Variants in NUBPL observed in about 807,000 individuals in gnomAD.
NUBPL encodes NUBP iron-sulfur cluster assembly factor, mitochondrial.
In NUBPL, 31 loss-of-function variants were observed where a neutral mutation model predicts 45.7. The observed-to-expected ratio is 0.68, with a 90% CI of 0.51 to 0.92. The LOEUF is 0.92. Among genes scored for constraint, NUBPL ranks in the 40% least tolerant of loss-of-function variants. The pLI is 0.00. For missense variants in NUBPL, 401 were observed against 398.7 expected (o/e 1.01, Z -0.05); for synonymous variants, 144 against 140.9 (o/e 1.02, Z -0.15).
chr14:31,814,176 C>T (rs2039870455), intron 7 of NUBPL, among the ~76,000 whole-genome samples: 2 of 152,280 alleles, frequency 1.3e-5, no homozygotes, highest in African/African-American at 4.8e-5. Context: ...CCTATTTCTC[C>T]ACAACCTCTC....
At chr14:31,841,632 G>T (rs1220037637) in intron 8 of NUBPL, among the ~76,000 whole-genome samples, 2 of 152,012 alleles carry the variant, frequency 1.3e-5, no homozygotes, top group Non-Finnish European at 2.9e-5. Flanking sequence ...TTTTAATGTA[G>T]TCCAATTTAA....
chr14:31,699,011 T>C (rs1008712327), intron 6 of NUBPL, among the ~76,000 whole-genome samples: 5 of 152,140 alleles, frequency 3.3e-5, no homozygotes, highest in African/African-American at 1.2e-4. Context: ...TGCACCACCA[T>C]GCCTGGCTAA....
chr14:31,813,204 G>A (rs2039846889), intron 7 of NUBPL, among the ~76,000 whole-genome samples: 1 of 151,918 alleles, frequency 6.6e-6, no homozygotes, highest in Admixed American at 6.6e-5. Flanking sequence ...AGCCAGGATG[G>A]TCTCAATCTC....
At chr14:31,698,581 G>T (rs2037264892) in intron 6 of NUBPL, among the ~76,000 whole-genome samples, 1 of 151,672 alleles carries the variant, frequency 6.6e-6, no homozygotes, top group Non-Finnish European at 1.5e-5. Flanking sequence ...CTACCCTCTG[G>T]CTTTATTCAT....
intron 4 of NUBPL, among the ~76,000 whole-genome samples, chr14:31,664,652 G>A (rs1232589725): frequency 6.6e-6 from 1 of 152,136 alleles, no homozygotes; most frequent in Non-Finnish European, 1.5e-5. Context: ...TTTTATTGAG[G>A]ATTTTCACAT....
intron 7 of NUBPL, chr14:31,800,885 G>C (rs1414842101): frequency 2.6e-5 from 4 of 152,176 alleles, no homozygotes; most frequent in Non-Finnish European, 5.9e-5. Flanking sequence ...ATTAGTCAGA[G>C]TCCTAGCAGG....
intron 8 of NUBPL, among the ~76,000 whole-genome samples, chr14:31,834,523 A>G (rs1275507001): frequency 6.6e-6 from 1 of 152,112 alleles, no homozygotes; most frequent in Non-Finnish European, 1.5e-5. Flanking sequence ...TAAGGATTAT[A>G]TTGTTTACTT....
intron 6 of NUBPL, among the ~76,000 whole-genome samples, chr14:31,744,948 C>G (rs1235785922): frequency 6.6e-6 from 1 of 151,934 alleles, no homozygotes; most frequent in African/African-American, 2.4e-5. Flanking sequence ...TAAAAAAAAT[C>G]TTCAGACACA....
rs147732105 is a variant in NUBPL at position 31,704,871 on chromosome 14, C to T, written c.513+31297C>T. Reference sequence around the variant, plus strand: ...CTCGCTGACTTCAAGAATGAAGCCGCGGACCCTTGTGCTGAGTGTTACAGT... The same window carrying T: ...CTCGCTGACTTCAAGAATGAAGCCGTGGACCCTTGTGCTGAGTGTTACAGT... On this transcript the variant is annotated intron_variant, in intron 6 of 10. Coordinates refer to ENST00000281081, the MANE Select transcript of NUBPL (RefSeq NM_025152.3). 1.0e-3 allele frequency among the ~76,000 whole-genome samples: 153 copies of T among 152,258 alleles called. 5 individuals are homozygous for T. The East Asian group carries it at 0.026, about 26-fold the overall frequency.
Position 31,703,107 on chromosome 14 carries a change from C to CT in NUBPL, c.513+29538dup, listed in dbSNP as rs567945308. The CT allele has an allele frequency of 1.1e-4, 16 of 152,258 alleles. 1 individual carries two copies. The South Asian group carries it at 2.9e-3, about 28-fold the overall frequency. The allele number at this position is 152,258 out of a possible 1,614,324, so 9.4% of individuals were successfully genotyped here. A position where few individuals can be genotyped will look rare whatever the true frequency, so the allele number is the denominator to read the frequency against. Reference sequence around the variant, plus strand: ...ACTCTAATACTTATATTCTTATATTCTTTTTGCAGGAGGAGAAGTTTGTTA... The same window carrying CT: ...ACTCTAATACTTATATTCTTATATTCTTTTTTGCAGGAGGAGAAGTTTGTTA... On this transcript the variant is annotated intron_variant, in intron 6 of 10. Transcript: ENST00000281081.
intron 4 of NUBPL, among the ~76,000 whole-genome samples, chr14:31,639,424 A>C (rs7158693): frequency 0.16 from 24,058 of 152,104 alleles, 5,433 homozygotes; most frequent in African/African-American, 0.5. Flanking sequence ...ATGCTGCTGT[A>C]TGATCGTTCC....
At chr14:31,694,124 G>A (rs2037161722) in intron 6 of NUBPL, among the ~76,000 whole-genome samples, 1 of 151,860 alleles carries the variant, frequency 6.6e-6, no homozygotes, top group Non-Finnish European at 1.5e-5. Context: ...CAGAGTGCTG[G>A]GATTACAGGC....
At chr14:31,827,954 G>A (rs1278345000) in intron 8 of NUBPL, among the ~76,000 whole-genome samples, 1 of 152,306 alleles carries the variant, frequency 6.6e-6, no homozygotes, top group Non-Finnish European at 1.5e-5. Flanking sequence ...TTGCCAGTTA[G>A]CACAGTGCTG....
chr14:31,581,377 T>C (rs1259144981), intron 3 of NUBPL, among the ~76,000 whole-genome samples: 1 of 152,146 alleles, frequency 6.6e-6, no homozygotes, highest in African/African-American at 2.4e-5. Flanking sequence ...ATTCATTAAA[T>C]AATAATTCCC....
At chr14:31,834,233 T>G (rs1461272924) in intron 8 of NUBPL, among the ~76,000 whole-genome samples, 8 of 131,556 alleles carry the variant, frequency 6.1e-5, no homozygotes, top group Non-Finnish European at 1.2e-4. Context: ...CAGGCTGGAG[T>G]GCAGTGGTGT....
At chr14:31,854,821 A>G (rs969497995) in intron 10 of NUBPL, among the ~76,000 whole-genome samples, 10 of 152,168 alleles carry the variant, frequency 6.6e-5, no homozygotes, top group East Asian at 1.9e-4. Context: ...TCCCAACACA[A>G]TGCCTTGCAC....
intron 7 of NUBPL, among the ~76,000 whole-genome samples, chr14:31,798,787 G>A (rs1225350069): frequency 2.7e-4 from 17 of 61,820 alleles, no homozygotes; most frequent in South Asian, 8.3e-4. Flanking sequence ...GCAAGACTCC[G>A]TCTCAAAAAA....
intron 10 of NUBPL, among the ~76,000 whole-genome samples, chr14:31,854,362 C>A (rs1327062983): frequency 6.6e-6 from 1 of 152,082 alleles, no homozygotes; most frequent in Non-Finnish European, 1.5e-5. Context: ...TCAGTTATGT[C>A]CTTTACATAT....
rs925170492 is a variant in NUBPL, at chr14:31,712,359, G to A, written c.513+38785G>A. Among the ~76,000 whole-genome samples, 8 of 152,306 alleles carry A rather than the reference G, an allele frequency of 5.3e-5. No individual in the cohort carries two copies. The East Asian group carries it at 1.4e-3, about 26-fold the overall frequency. The stretch of plus-strand genomic sequence containing the variant: ...GCAGGACTTTGCAGCACCTAGCCCC[G>A]GCACTCTGGCAGCCCAGAGGGAGTT... On this transcript the variant is annotated intron_variant, in intron 6 of 10. Coordinates refer to ENST00000281081, the MANE Select transcript of NUBPL (RefSeq NM_025152.3).
Sources: gnomAD v4.1 joint callset for allele counts (sites outside exome capture counted in the v4.1 genomes callset) on GRCh38, gnomAD v4.1.1 for gene constraint, MANE v1.5 for transcripts, NCBI Gene and HGNC (gene_info 2026-07-23, HGNC 2026-07-21) for gene names.